The following SGCZ variants were observed in gnomAD, a reference collection of about 807,000 sequenced individuals.
SGCZ encodes sarcoglycan zeta, also known as zeta-sarcoglycan.
Under a neutral mutation model 41.3 loss-of-function variants are expected in SGCZ, and 40 were observed. The observed-to-expected ratio is 0.97, with a 90% CI of 0.75 to 1.26. The LOEUF (loss-of-function observed/expected upper bound fraction) is 1.26. SGCZ is among the 50% of genes most tolerant of loss of function. The probability of loss-of-function intolerance (pLI) is 0.00; values close to 1 mark genes in which losing one functional copy is unlikely to be tolerated. For synonymous variants in SGCZ, 206 were observed against 137.5 expected, an observed-to-expected ratio of 1.50 and a Z score of -3.49; for missense variants, 552 against 369.8, an observed-to-expected ratio of 1.49 and a Z score of -4.04.
At chr8:14,110,895 A>C (rs1041528794) in intron 5 of SGCZ, among the ~76,000 whole-genome samples, 4 of 152,050 alleles carry the variant, frequency 2.6e-5, no homozygotes, top group African/African-American at 9.7e-5. Context: ...CCTCTCTACT[A>C]AAAATACAAA....
intron 2 of SGCZ, among the ~76,000 whole-genome samples, chr8:14,355,595 T>C (rs1803266468): frequency 6.6e-6 from 1 of 151,820 alleles, no homozygotes; most frequent in Non-Finnish European, 1.5e-5. Flanking sequence ...CAGAGTTAAT[T>C]AAAACAATAA....
intron 1 of SGCZ, among the ~76,000 whole-genome samples, chr8:15,029,967 A>T (rs557934879): frequency 6.6e-4 from 101 of 152,312 alleles, no homozygotes; most frequent in African/African-American, 2.2e-3. Context: ...CATACACTTA[A>T]TTCAACAAAA....
At chr8:14,955,890 T>C (rs1008824596) in intron 1 of SGCZ, among the ~76,000 whole-genome samples, 1 of 152,114 alleles carries the variant, frequency 6.6e-6, no homozygotes. Context: ...TAAACAAGAG[T>C]TGTTCATTTT....
chr8:14,938,241 C>G (rs1800148620), intron 1 of SGCZ, among the ~76,000 whole-genome samples: 1 of 152,114 alleles, frequency 6.6e-6, no homozygotes. Context: ...GAAATGAAAA[C>G]AGTAGAGGAA....
At chr8:14,220,366 T>A (rs922888610) in intron 4 of SGCZ, among the ~76,000 whole-genome samples, 3 of 151,910 alleles carry the variant, frequency 2.0e-5, no homozygotes, top group Non-Finnish European at 4.4e-5. Context: ...CATATGTGAA[T>A]TTATTTATAT....
At chr8:14,822,988 A>G (rs939229391) in intron 1 of SGCZ, among the ~76,000 whole-genome samples, 22 of 147,942 alleles carry the variant, frequency 1.5e-4, no homozygotes, top group Admixed American at 1.2e-3. Flanking sequence ...TGGGAGGCAG[A>G]GATTGCAGTA....
chr8:14,604,921 T>C (rs917025037), intron 1 of SGCZ, among the ~76,000 whole-genome samples: 4 of 152,186 alleles, frequency 2.6e-5, no homozygotes, highest in African/African-American at 7.2e-5. Flanking sequence ...ATTAAATTAA[T>C]GAATGACAAA....
At chr8:15,159,965 G>A (rs1186661712) in intron 1 of SGCZ, among the ~76,000 whole-genome samples, 3 of 151,936 alleles carry the variant, frequency 2.0e-5, no homozygotes, top group Middle Eastern at 3.4e-3. Flanking sequence ...TAGACGAGTA[G>A]GAGACAGAAC....
rs200462089 is a variant in SGCZ at position 15,071,790 on chromosome 8, CA to C, written c.39+165794del. Among the ~76,000 whole-genome samples, 4 of 151,282 alleles carry C rather than the reference CA, an allele frequency of 2.6e-5. No homozygotes were observed. The East Asian group carries it at 5.8e-4, about 22-fold the overall frequency. On this transcript the variant is annotated intron_variant, in intron 1 of 7. Transcript: ENST00000382080. ...GGTATGACCTGAGTGACTCTTCCCA[CA>C]AAAAAAAGCTTAGGAAGATGGTAGA...
At chr8:14,338,500 G>A (rs574704392) in intron 2 of SGCZ, among the ~76,000 whole-genome samples, 1 of 152,242 alleles carries the variant, frequency 6.6e-6, no homozygotes, top group African/African-American at 2.4e-5. Context: ...GGCAGGTGGT[G>A]CTTATTCGAG....
chr8:15,139,075 T>G (rs1051130598), intron 1 of SGCZ, among the ~76,000 whole-genome samples: 1 of 152,200 alleles, frequency 6.6e-6, no homozygotes, highest in Non-Finnish European at 1.5e-5. Flanking sequence ...TTTATTTTCC[T>G]CCCTGACAAT....
At position 14,713,437 on chromosome 8, in the gene SGCZ, G is replaced by C. The variant is rs374157661; in HGVS notation, c.40-158511C>G. 1.3e-3 allele frequency among the ~76,000 whole-genome samples: 205 copies of C among 152,240 alleles called. 1 individual carries two copies. The highest frequency in any genetic ancestry group is 6.8e-3 in the Middle Eastern group (2 of 292). On this transcript the variant is annotated intron_variant, in intron 1 of 7. Transcript: ENST00000382080. ...AGAAGGGAAAAAAGTATAAAATCAG[G>C]AGGAGGGAAATAAATTATTGAGCTA...
At chr8:14,102,893 A>C (rs902146174) in intron 6 of SGCZ, among the ~76,000 whole-genome samples, 4 of 152,174 alleles carry the variant, frequency 2.6e-5, no homozygotes, top group Non-Finnish European at 4.4e-5. Context: ...AGGTTTAATA[A>C]AAAATTTACA....
intron 4 of SGCZ, among the ~76,000 whole-genome samples, chr8:14,184,873 T>G (rs370477254): frequency 2.5e-4 from 38 of 152,294 alleles, no homozygotes; most frequent in East Asian, 1.2e-3. Context: ...CAGAATACAT[T>G]AGAGCATGAA....
chr8:14,923,258 T>G (rs1477849121), intron 1 of SGCZ, among the ~76,000 whole-genome samples: 2 of 152,176 alleles, frequency 1.3e-5, no homozygotes, highest in East Asian at 1.9e-4. Flanking sequence ...CTACTTTGAC[T>G]CAATGGAATG....
At chr8:15,054,105 G>A (rs1804619735) in intron 1 of SGCZ, among the ~76,000 whole-genome samples, 1 of 152,168 alleles carries the variant, frequency 6.6e-6, no homozygotes, top group Admixed American at 6.5e-5. Context: ...AAATGACATT[G>A]CCCATACATT....
intron 3 of SGCZ, among the ~76,000 whole-genome samples, chr8:14,299,519 G>T (rs1305889496): frequency 6.6e-6 from 1 of 151,832 alleles, no homozygotes; most frequent in Non-Finnish European, 1.5e-5. Context: ...GCAATTCACA[G>T]GAAAAGATAT....
At chr8:14,761,725 C>G (rs1029335996) in intron 1 of SGCZ, among the ~76,000 whole-genome samples, 1 of 151,728 alleles carries the variant, frequency 6.6e-6, no homozygotes, top group Admixed American at 6.6e-5. Context: ...AGAGTTTCAC[C>G]ATGTTGGCCA....
chr8:15,127,691 C>CATCTGCA (rs1160882370), intron 1 of SGCZ, among the ~76,000 whole-genome samples: 2 of 152,014 alleles, frequency 1.3e-5, no homozygotes, highest in Non-Finnish European at 2.9e-5. Flanking sequence ...AATGGTAAAC[C>CATCTGCA]ATCTGCAATT....
Sources: allele counts gnomAD v4.1 joint callset (sites outside exome capture counted in the v4.1 genomes callset), GRCh38; gene constraint gnomAD v4.1.1; transcripts MANE v1.5; gene names NCBI Gene and HGNC (gene_info 2026-07-23, HGNC 2026-07-21).